CDCA7: variants seen among roughly 807,000 people sequenced by gnomAD.
CDCA7 encodes cell division cycle associated 7, also known as cell division cycle-associated protein 7.
CDCA7 carries 28 observed loss-of-function variants against 54.0 expected under a neutral mutation model. That is an observed-to-expected ratio of 0.52 (90% CI 0.38 to 0.71). The LOEUF (loss-of-function observed/expected upper bound fraction) is 0.71, where lower values mean the gene tolerates loss of function less well. Ranked by LOEUF, CDCA7 falls within the 30% of genes least tolerant of loss-of-function variation. The probability of loss-of-function intolerance (pLI) is 0.00; values close to 1 mark genes in which losing one functional copy is unlikely to be tolerated. For synonymous variants in CDCA7, 180 were observed against 208.2 expected (o/e 0.86, Z 1.16); for missense variants, 484 against 586.0 (o/e 0.83, Z 1.80).
chr2:173,357,288 T>A (rs1215722491), intron 1 of CDCA7, among the ~76,000 whole-genome samples: 1 of 152,076 alleles, frequency 6.6e-6, no homozygotes, highest in African/African-American at 2.4e-5. Flanking sequence ...CATTTCTATG[T>A]AAGTAATTTG....
At position 173,366,773 on chromosome 2, in the gene CDCA7, C is replaced by G. The variant is rs192935503; in HGVS notation, c.1185+341C>G. On this transcript the variant is annotated intron_variant, in intron 8 of 9. Transcript: ENST00000306721. The surrounding 1 kb of genome is among the most constrained non-coding windows in gnomAD (Gnocchi z 4.5). ...AGGATGGTGTGGTGGTACAAGATCT[C>G]TTGACCTCGTGATCCACCCGCCTCG... Among the ~76,000 whole-genome samples, 619 of 152,236 alleles carry G rather than the reference C, an allele frequency of 4.1e-3. 1 individual carries two copies. The highest frequency in any genetic ancestry group is 0.014 in the African/African-American group (597 of 41,544).
At chr2:173,355,673 C>T (rs1686487008) in intron 1 of CDCA7, among the ~76,000 whole-genome samples, 3 of 130,996 alleles carry the variant, frequency 2.3e-5, no homozygotes, top group South Asian at 2.7e-4. Flanking sequence ...CCCCCAACCC[C>T]CCACCCCCCA....
In CDCA7 at chr2:173,366,062, C is replaced by T. The variant is rs747508977; in HGVS notation, c.1036-221C>T. Among the ~76,000 whole-genome samples the T allele has an allele frequency of 4.6e-5, 7 of 152,076 alleles. No homozygotes were observed. Among genetic ancestry groups the T allele is most frequent in the Non-Finnish European group, 1.5e-5 (1 of 68,018 alleles). On this transcript the variant is annotated intron_variant, in intron 7 of 9. Coordinates refer to ENST00000306721, the MANE Select transcript of CDCA7 (RefSeq NM_031942.5). The surrounding 1 kb of genome is among the most constrained non-coding windows in gnomAD (Gnocchi z 4.5). ...CTGGTCTTGAACTCCTTGGCTCAAG[C>T]GATCCACTCTCCTCAGTCTCCCGGA...
chr2:173,364,396 CT>C (rs1686679161), intron 5 of CDCA7: 1 of 163,144 alleles, frequency 6.1e-6, no homozygotes. Flanking sequence ...TTTTTCCTGG[CT>C]TTCCCTGAGG....
intron 3 of CDCA7, among the ~76,000 whole-genome samples, chr2:173,362,165 T>C (rs1231967502): frequency 1.3e-5 from 2 of 152,242 alleles, no homozygotes; most frequent in Admixed American, 1.3e-4. Context: ...TTTGGATAAA[T>C]TTTTAATGAT....
intron 1 of CDCA7, among the ~76,000 whole-genome samples, chr2:173,357,613 A>G (rs1303805072): frequency 6.6e-6 from 1 of 152,254 alleles, no homozygotes; most frequent in African/African-American, 2.4e-5. Flanking sequence ...CACAGTACAT[A>G]GCCCAAAGCT....
intron 3 of CDCA7, 125 bp from the exon 4 acceptor site, chr2:173,363,101 C>G (rs930722200): frequency 4.9e-5 from 44 of 906,976 alleles, no homozygotes; most frequent in Non-Finnish European, 7.7e-5. Flanking sequence ...ATTTTGTTAC[C>G]CAGAGGTATC....
At chr2:173,357,757 G>A (rs991499778) in intron 1 of CDCA7, among the ~76,000 whole-genome samples, 2 of 152,114 alleles carry the variant, frequency 1.3e-5, no homozygotes, top group Non-Finnish European at 2.9e-5. Flanking sequence ...TAGGAGTTTA[G>A]CATTAAAATC....
In CDCA7 at chr2:173,358,706, T is replaced by G. The variant is rs552244926; in HGVS notation, c.22-6T>G. On this transcript the variant is annotated splice_polypyrimidine_tract_variant and splice_region_variant and intron_variant, in intron 1 of 9. Transcript: ENST00000306721. ...CGCTTAATAGGATTGCTATTTCCATTTGCAGCAGAAAGATCTCAGAGTAAA... is the reference window on the plus strand; with the variant it reads ...CGCTTAATAGGATTGCTATTTCCATGTGCAGCAGAAAGATCTCAGAGTAAA... The G allele has an allele frequency of 6.2e-7, 1 of 1,611,886 alleles. No individual in the cohort carries two copies. Among genetic ancestry groups the G allele is most frequent in the African/African-American group, 1.3e-5 (1 of 74,950 alleles).
chr2:173,359,346 G>C lies in CDCA7; in HGVS notation c.239G>C (p.Ser80Thr). ...GAATCTTTCTGCGGCTTTTCAGAAA[G>C]TGAGGTGCAAGATGTATTAGACCAT... ...DNESFCGFSE[S>T]EVQDVLDHCG... Residue 80 changes from serine (S) to threonine (T), a missense_variant, in exon 3 of 10, where the codon AGT (serine) becomes ACT (threonine). Ser to Thr is a moderately conservative substitution (Grantham distance 58). Around this residue, in one of 3 missense-constraint regions of CDCA7, gnomAD observed 398 missense variants for 447.4 expected, o/e 0.89. Transcript: ENST00000306721. The C allele has an allele frequency of 6.2e-7, 1 of 1,614,204 alleles. No homozygotes were observed. Among genetic ancestry groups the C allele is most frequent in the South Asian group, 1.1e-5 (1 of 91,084 alleles).
At position 173,358,727 on chromosome 2, in the gene CDCA7, G is replaced by A; in HGVS notation, c.37G>A (p.Val13Ile). The change falls in exon 2 of 10, where the codon GTA becomes ATA. Residue 13 changes from valine (V) to isoleucine (I), a missense_variant. By Grantham distance (29) the Val-to-Ile change is conservative (BLOSUM62 3). Coordinates refer to ENST00000306721, the MANE Select transcript of CDCA7 (RefSeq NM_031942.5). The stretch of plus-strand genomic sequence containing the variant: ...CCATTTGCAGCAGAAAGATCTCAGA[G>A]TAAAGAAGAACTTAAAGAAATTCAG... ...ARRVPQKDLR[V>I]KKNLKKFRYV... 6.2e-7 allele frequency: 1 copy of A among 1,613,778 alleles called. No homozygotes were observed.
chr2:173,355,685 C>A (rs1558946145), intron 1 of CDCA7, among the ~76,000 whole-genome samples: 2 of 151,204 alleles, frequency 1.3e-5, no homozygotes, highest in Admixed American at 6.6e-5. Flanking sequence ...CACCCCCCAC[C>A]CCCCAGCCTT....
At chr2:173,356,827 T>C (rs1686516478) in intron 1 of CDCA7, among the ~76,000 whole-genome samples, 1 of 152,200 alleles carries the variant, frequency 6.6e-6, no homozygotes, top group Non-Finnish European at 1.5e-5. Flanking sequence ...TTATATTTAG[T>C]AGCTCTACCT....
Position 173,367,711 on chromosome 2 carries a change from G to A in CDCA7, c.*47G>A. ...GCCTTCTACTTCTCAAATCTTTCTT[G>A]TAAAAGTTTCCAATTTTTTCACTGA... On this transcript the variant is annotated 3_prime_UTR_variant, in exon 10 of 10. Coordinates refer to ENST00000306721, the MANE Select transcript of CDCA7 (RefSeq NM_031942.5). 2.5e-6 allele frequency: 4 copies of A among 1,606,048 alleles called. No individual in the cohort carries two copies. The highest frequency in any genetic ancestry group is 2.2e-5 in the East Asian group (1 of 44,764).
rs183522373 is a variant in CDCA7 at position 173,364,518 on chromosome 2, A to G, written c.700-277A>G. On this transcript the variant is annotated intron_variant, in intron 5 of 9. Coordinates refer to ENST00000306721, the MANE Select transcript of CDCA7 (RefSeq NM_031942.5). The stretch of plus-strand genomic sequence containing the variant: ...GACATCAGAGAAAATTTTTTTTTTT[A>G]GAACAGAAGATCATTTCTTACATCT... 957 of 259,944 alleles carry G rather than the reference A, an allele frequency of 3.7e-3. 3 individuals carry two copies. Among genetic ancestry groups the G allele is most frequent in the Non-Finnish European group, 5.2e-3 (738 of 141,930 alleles). 16.1% of individuals were successfully genotyped at this position (259,944 alleles called of 1,614,324 possible).
Position 173,364,946 on chromosome 2 carries a change from A to G in CDCA7, c.851A>G (p.Tyr284Cys). 1 of 1,600,718 alleles carries G rather than the reference A, an allele frequency of 6.2e-7. No individual in the cohort carries two copies. ...PMEEEEEEDK[Y>C]MLVRKRKTVD... ...GAGGAGGAGGAGGAAGAGGATAAGT[A>G]CATGTTGGTGAGAAAGAGGAAGACC... Residue 284 changes from tyrosine to cysteine, a missense_variant, in exon 6 of 10, where the codon TAC becomes TGC. By Grantham distance (194) the Tyr-to-Cys change is radical. Coordinates refer to ENST00000306721, the MANE Select transcript of CDCA7 (RefSeq NM_031942.5).
Position 173,366,526 on chromosome 2 carries a change from C to T in CDCA7, c.1185+94C>T. On this transcript the variant is annotated intron_variant, in intron 8 of 9. Coordinates refer to ENST00000306721, the MANE Select transcript of CDCA7 (RefSeq NM_031942.5). This position sits in a 1 kb window ranked among gnomAD's most constrained non-coding sequence, Gnocchi z 4.5. ...AAGGCATTGGTGAAGGGGTGGAGCC[C>T]TTTCTGTTATGGGGTGCTCTTCTTT... The T allele has an allele frequency of 1.3e-6, 2 of 1,510,062 alleles. No individual in the cohort carries two copies. Among genetic ancestry groups the T allele is most frequent in the South Asian group, 1.3e-5 (1 of 78,404 alleles). The allele number at this position is 1,510,062 out of a possible 1,614,324, so 93.5% of individuals were successfully genotyped here.
Position 173,368,323 on chromosome 2 carries a change from C to T in CDCA7, c.*659C>T, listed in dbSNP as rs1686760886. 6.6e-6 allele frequency: 1 copy of T among 152,190 alleles called. No homozygotes were observed. Among genetic ancestry groups the T allele is most frequent in the Non-Finnish European group, 1.5e-5 (1 of 68,084 alleles). The allele number at this position is 152,190 out of a possible 1,614,324, so 9.4% of individuals were successfully genotyped here. On this transcript the variant is annotated 3_prime_UTR_variant, in exon 10 of 10. Transcript: ENST00000306721. ...GCGTCCAGCTTACACAATCATAATT[C>T]AAAGGTTGGTGGGCAATGTAATACT...
chr2:173,367,137 A>T lies in CDCA7; in HGVS notation c.1186-13A>T. 6.4e-7 allele frequency: 1 copy of T among 1,569,486 alleles called. No homozygotes were observed. The highest frequency in any genetic ancestry group is 8.6e-7 in the Non-Finnish European group (1 of 1,160,726). On this transcript the variant is annotated splice_polypyrimidine_tract_variant and intron_variant, in intron 8 of 9. Coordinates refer to ENST00000306721, the MANE Select transcript of CDCA7 (RefSeq NM_031942.5). Reference sequence around the variant, plus strand: ...GTTTAACTTAATTGTGCCGTTTGACAATCCTCCTTCAGAACTGGCATTGCC... The same window carrying T: ...GTTTAACTTAATTGTGCCGTTTGACTATCCTCCTTCAGAACTGGCATTGCC...
Sources: allele counts gnomAD v4.1 joint callset (sites outside exome capture counted in the v4.1 genomes callset), GRCh38; gene constraint gnomAD v4.1.1; regional missense constraint gnomAD v4.1.1; non-coding constraint Gnocchi (gnomAD v3.1); transcripts MANE v1.5; gene names NCBI Gene and HGNC (gene_info 2026-07-23, HGNC 2026-07-21).